ZNF771: variants seen among roughly 807,000 people sequenced by gnomAD.
The protein encoded by ZNF771 is mesenchymal stem cell protein DSC43.
A neutral mutation model predicts 27.6 loss-of-function variants in ZNF771; 10 were observed. That is an observed-to-expected ratio of 0.36 (90% CI 0.22 to 0.61). The LOEUF (loss-of-function observed/expected upper bound fraction) is 0.61, where lower values mean the gene tolerates loss of function less well. ZNF771 is among the 20% of genes least tolerant of loss of function. ZNF771 has a pLI of 0.70. For synonymous variants in ZNF771, 261 were observed against 225.2 expected, an observed-to-expected ratio of 1.16 and a Z score of -1.43; for missense variants, 438 against 503.7, an observed-to-expected ratio of 0.87 and a Z score of 1.25.
In ZNF771 at chr16:30,407,648, T is replaced by C. The variant is rs1221740670; in HGVS notation, c.-26T>C. 1.3e-5 allele frequency: 2 copies of C among 157,540 alleles called. No homozygotes were observed. The highest frequency in any genetic ancestry group is 2.4e-5 in the African/African-American group (1 of 41,386). The allele number at this position is 157,540 out of a possible 1,614,324, so 9.8% of individuals were successfully genotyped here. A position where few individuals can be genotyped will look rare whatever the true frequency, so the allele number is the denominator to read the frequency against. On this transcript the variant is annotated 5_prime_UTR_variant, in exon 1 of 3. Transcript: ENST00000319296. ...GCGCCCAGGCCTGGGGCACCGCGAG[T>C]GCCGAACCTTCGGCTGGTGAGTGCG...
chr16:30,416,112 A>G (rs1422591645), intron 2 of ZNF771, among the ~76,000 whole-genome samples: 1 of 152,088 alleles, frequency 6.6e-6, no homozygotes, highest in African/African-American at 2.4e-5. Flanking sequence ...GGTGTTTGCT[A>G]TTCAAAGCTG....
intron 2 of ZNF771, among the ~76,000 whole-genome samples, chr16:30,415,339 G>C (rs2151125253): frequency 6.6e-6 from 1 of 150,524 alleles, no homozygotes; most frequent in Admixed American, 6.6e-5. Flanking sequence ...TTGCCCTCCT[G>C]CAGCTTCAGA....
intron 2 of ZNF771, among the ~76,000 whole-genome samples, chr16:30,408,871 G>A (rs925278922): frequency 4.6e-5 from 7 of 152,152 alleles, no homozygotes; most frequent in African/African-American, 1.7e-4. Flanking sequence ...CTGTAGTGCA[G>A]TACAGCTCAC....
Position 30,418,179 on chromosome 16 carries a change from G to C in ZNF771, c.766G>C (p.Glu256Gln). The C allele has an allele frequency of 1.3e-6, 2 of 1,489,182 alleles. No individual in the cohort carries two copies. Among genetic ancestry groups the C allele is most frequent in the Non-Finnish European group, 1.8e-6 (2 of 1,126,054 alleles). 92.2% of individuals were successfully genotyped at this position (1,489,182 alleles called of 1,614,324 possible). A position where few individuals can be genotyped will look rare whatever the true frequency, so the allele number is the denominator to read the frequency against. The part of the protein sequence containing the change: ...LAEHARTHTG[E>Q]RPYPCAECGR... ...GGAGCACGCGCGCACGCACACAGGC[G>C]AGCGGCCCTACCCCTGCGCCGAGTG... The change falls in exon 3 of 3, where the codon GAG (glutamate) becomes CAG (glutamine). Residue 256 changes from glutamate (E) to glutamine (Q), a missense_variant. Glu to Gln is a conservative substitution (Grantham distance 29). Transcript: ENST00000319296.
chr16:30,409,200 T>G (rs552890788), intron 2 of ZNF771, among the ~76,000 whole-genome samples: 10 of 149,164 alleles, frequency 6.7e-5, no homozygotes, highest in South Asian at 4.3e-4. Flanking sequence ...GGTCTCAAAC[T>G]CCTGAGTTCA....
intron 2 of ZNF771, among the ~76,000 whole-genome samples, chr16:30,408,723 CAA>C (rs1393822929): frequency 2.0e-5 from 3 of 152,206 alleles, no homozygotes; most frequent in Admixed American, 6.5e-5. Flanking sequence ...CCACAGGTCT[CAA>C]AGTAAAAGGA....
At position 30,418,335 on chromosome 16, in the gene ZNF771, A is replaced by G. The variant is rs901541740; in HGVS notation, c.922A>G (p.Thr308Ala). Residue 308 changes from threonine (T) to alanine (A), a missense_variant, in exon 3 of 3, where the codon ACC becomes GCC. Around this residue, in one of 3 missense-constraint regions of ZNF771, gnomAD observed 305 missense variants for 308.0 expected, o/e 0.99. Transcript: ENST00000319296. The part of the protein sequence containing the change: ...LPPGATAATA[T>A]ERCPECEGS ...CCCTGGCGCCACGGCCGCCACTGCC[A>G]CCGAGCGTTGCCCGGAGTGTGAGGG... is the stretch of plus-strand genomic sequence containing the variant. 1.0e-5 allele frequency: 15 copies of G among 1,459,872 alleles called. No individual in the cohort carries two copies. Among genetic ancestry groups the G allele is most frequent in the South Asian group, 1.3e-5 (1 of 75,052 alleles). 90.4% of individuals were successfully genotyped at this position (1,459,872 alleles called of 1,614,324 possible). A position where few individuals can be genotyped will look rare whatever the true frequency, so the allele number is the denominator to read the frequency against.
At position 30,408,061 on chromosome 16, in the gene ZNF771, G is replaced by A. The variant is rs749032608; in HGVS notation, c.8G>A (p.Gly3Asp). 6.3e-7 allele frequency: 1 copy of A among 1,594,646 alleles called. No homozygotes were observed. The highest frequency in any genetic ancestry group is 8.5e-7 in the Non-Finnish European group (1 of 1,170,472). The change falls in exon 2 of 3, where the codon GGC becomes GAC. Residue 3 changes from glycine to aspartate, a missense_variant. Transcript: ENST00000319296. MP[G>D]EQQAEEEEEE... ...CCGCCTCAGGACACCAAGATGCCTGGCGAACAGCAGGCAGAGGAAGAGGAG... is the reference window on the plus strand; with the variant it reads ...CCGCCTCAGGACACCAAGATGCCTGACGAACAGCAGGCAGAGGAAGAGGAG...
chr16:30,418,282 C>T lies in ZNF771; in HGVS notation c.869C>T (p.Ala290Val), dbSNP rs984600690. 6.6e-7 allele frequency: 1 copy of T among 1,508,704 alleles called. No individual in the cohort carries two copies. The highest frequency in any genetic ancestry group is 1.4e-5 in the African/African-American group (1 of 69,742). The allele number at this position is 1,508,704 out of a possible 1,614,324, so 93.5% of individuals were successfully genotyped here. A position where few individuals can be genotyped will look rare whatever the true frequency, so the allele number is the denominator to read the frequency against. ...AHMRRRLYIC[A>V]GCGRDFKLPP... ...ATGCGGCGCCGCCTGTATATTTGCG[C>T]CGGCTGCGGCAGGGACTTCAAGCTG... is the stretch of plus-strand genomic sequence containing the variant. The change falls in exon 3 of 3, where the codon GCC becomes GTC. Residue 290 changes from alanine to valine, a missense_variant. Coordinates refer to ENST00000319296, the MANE Select transcript of ZNF771 (RefSeq NM_001142305.2).
In ZNF771 at chr16:30,418,318, C is replaced by A. The variant is rs1040690497; in HGVS notation, c.905C>A (p.Ala302Asp). ...CGRDFKLPPGATAATATERCP... is the reference protein window; with the variant it reads ...CGRDFKLPPGDTAATATERCP... ...AGGGACTTCAAGCTGCCCCCTGGCG[C>A]CACGGCCGCCACTGCCACCGAGCGT... Residue 302 changes from alanine (A) to aspartate (D), a missense_variant, in exon 3 of 3, where the codon GCC (alanine) becomes GAC (aspartate). Coordinates refer to ENST00000319296, the MANE Select transcript of ZNF771 (RefSeq NM_001142305.2). 3.4e-6 allele frequency: 5 copies of A among 1,482,596 alleles called. No individual in the cohort carries two copies. In the Admixed American group the frequency reaches 6.6e-5, roughly 20 times the overall value. The allele number at this position is 1,482,596 out of a possible 1,614,324, so 91.8% of individuals were successfully genotyped here. A position where few individuals can be genotyped will look rare whatever the true frequency, so the allele number is the denominator to read the frequency against.
intron 2 of ZNF771, among the ~76,000 whole-genome samples, chr16:30,410,806 G>A (rs527629445): frequency 3.0e-5 from 4 of 131,766 alleles, no homozygotes; most frequent in Non-Finnish European, 4.6e-5. Context: ...GATCACTTGA[G>A]CCCAGGAGTT....
At chr16:30,413,666 C>T (rs1306343063) in intron 2 of ZNF771, 5 of 369,786 alleles carry the variant, frequency 1.4e-5, no homozygotes, top group South Asian at 7.5e-5. Context: ...AACTCTTGGG[C>T]TCAAGTGATC....
At position 30,418,070 on chromosome 16, in the gene ZNF771, C is replaced by A. The variant is rs776481395; in HGVS notation, c.657C>A (p.Ala219=). The stretch of plus-strand genomic sequence containing the variant: ...GCTTCGCTCAGAGCTCGGCGCTGGC[C>A]AAGCACCGGCGCGTGCACACGGGCG... ...GTRFAQSSAL[A]KHRRVHTGEK... The change falls in exon 3 of 3, where the codon GCC becomes GCA. Residue 219 remains alanine (A), a synonymous_variant. Transcript: ENST00000319296. 13 of 1,466,768 alleles carry A rather than the reference C, an allele frequency of 8.9e-6. 1 individual carries two copies. In the South Asian group the frequency reaches 1.7e-4, roughly 19 times the overall value. 90.9% of individuals were successfully genotyped at this position (1,466,768 alleles called of 1,614,324 possible).
Position 30,409,434 on chromosome 16 carries a change from A to G in ZNF771, c.141+1240A>G, listed in dbSNP as rs184436902. ...GAGGGTATTTGAAGGTTTTGAGATC[A>G]GAATATGAGTTAAATTTCACCCCCT... On this transcript the variant is annotated intron_variant, in intron 2 of 2. Transcript: ENST00000319296. Among the ~76,000 whole-genome samples, 3 of 152,266 alleles carry G rather than the reference A, an allele frequency of 2.0e-5. No homozygotes were observed. The East Asian group carries it at 5.8e-4, about 29-fold the overall frequency.
chr16:30,417,571 C>G lies in ZNF771; in HGVS notation c.158C>G (p.Pro53Arg). The G allele has an allele frequency of 2.4e-6, 3 of 1,225,258 alleles. No individual in the cohort carries two copies. Among genetic ancestry groups the G allele is most frequent in the Non-Finnish European group, 3.0e-6 (3 of 985,546 alleles). 75.9% of individuals were successfully genotyped at this position (1,225,258 alleles called of 1,614,324 possible). A position where few individuals can be genotyped will look rare whatever the true frequency, so the allele number is the denominator to read the frequency against. Residue 53 changes from proline to arginine, a missense_variant, in exon 3 of 3, where the codon CCC becomes CGC. Transcript: ENST00000319296. ...TCCCCGCAGGTCCCGGGCGAGGCGCCCGCGCCGTCCGCCGACCCGGCGCGT... is the reference window on the plus strand; with the variant it reads ...TCCCCGCAGGTCCCGGGCGAGGCGCGCGCGCCGTCCGCCGACCCGGCGCGT... ...MDNKEVPGEA[P>R]APSADPARPH...
intron 2 of ZNF771, among the ~76,000 whole-genome samples, chr16:30,409,624 C>T (rs1039513091): frequency 2.6e-5 from 4 of 152,166 alleles, no homozygotes; most frequent in African/African-American, 9.7e-5. Context: ...AGCCAGTTCC[C>T]AGGGAAAGAA....
At chr16:30,416,788 T>C (rs1286131785) in intron 2 of ZNF771, among the ~76,000 whole-genome samples, 1 of 151,850 alleles carries the variant, frequency 6.6e-6, no homozygotes, top group Non-Finnish European at 1.5e-5. Context: ...CTGTCTCCTT[T>C]ATAATAAAAG....
At chr16:30,407,970 GC>G in intron 1 of ZNF771, 74 bp from the exon 2 acceptor site, 1 of 1,190,930 alleles carries the variant, frequency 8.4e-7, no homozygotes, top group Non-Finnish European at 1.1e-6. Flanking sequence ...GCCTTGCTGG[GC>G]CAGGGCCACG....
At chr16:30,417,529 G>C (rs1319608409) in intron 2 of ZNF771, 26 bp from the exon 3 acceptor site, 1 of 1,211,770 alleles carries the variant, frequency 8.3e-7, no homozygotes, top group South Asian at 4.1e-5. Context: ...GCCGCTAAGG[G>C]CTGACCTATC....
Sources: gnomAD v4.1 joint callset for allele counts (sites outside exome capture counted in the v4.1 genomes callset) on GRCh38, gnomAD v4.1.1 for gene constraint, gnomAD v4.1.1 regional missense constraint, MANE v1.5 for transcripts, NCBI Gene and HGNC (gene_info 2026-07-23, HGNC 2026-07-21) for gene names.